Variants in KANSL2 observed in about 807,000 individuals in gnomAD.
KANSL2 encodes KAT8 regulatory NSL complex subunit 2.
In KANSL2, 34 loss-of-function variants were observed where a neutral mutation model predicts 55.6. The observed-to-expected ratio is 0.61, with a 90% CI of 0.46 to 0.81. The LOEUF (loss-of-function observed/expected upper bound fraction) is 0.81. Among genes scored for constraint, KANSL2 ranks in the 40% least tolerant of loss-of-function variants. The pLI, the probability that KANSL2 is intolerant of heterozygous loss-of-function variation, is 0.00. For synonymous variants in KANSL2, 209 were observed against 214.3 expected (o/e 0.98, Z 0.22); for missense variants, 502 against 609.9 (o/e 0.82, Z 1.86).
intron 4 of KANSL2, among the ~76,000 whole-genome samples, chr12:48,677,072 C>T (rs1939834741): frequency 6.6e-6 from 1 of 152,154 alleles, no homozygotes. Context: ...ACTCTATTTA[C>T]ATGCCTAAAA....
chr12:48,680,341 G>A (rs552679064), intron 2 of KANSL2, among the ~76,000 whole-genome samples: 1 of 152,120 alleles, frequency 6.6e-6, no homozygotes, highest in South Asian at 2.1e-4. Context: ...ACATGTCCAC[G>A]CCACTATGCC....
chr12:48,669,521 A>AT (rs962237578), intron 5 of KANSL2, among the ~76,000 whole-genome samples: 59 of 149,510 alleles, frequency 3.9e-4, no homozygotes, highest in Admixed American at 1.5e-3. Flanking sequence ...TGGAAAAAAA[A>AT]TTTTTTTTTT....
At chr12:48,660,219 A>T in intron 8 of KANSL2, 147 bp downstream of exon 8, 1 of 752,018 alleles carries the variant, frequency 1.3e-6, no homozygotes, top group East Asian at 2.7e-5. Flanking sequence ...CTAAATGAAT[A>T]TGCTAACATA....
chr12:48,672,513 C>T (rs1939744992), intron 4 of KANSL2, among the ~76,000 whole-genome samples: 1 of 148,010 alleles, frequency 6.8e-6, no homozygotes, highest in Admixed American at 6.8e-5. Flanking sequence ...TCACTATAAC[C>T]TTTGCTTCCT....
chr12:48,659,622 T>A (rs1212010036), intron 8 of KANSL2, among the ~76,000 whole-genome samples: 11 of 145,294 alleles, frequency 7.6e-5, no homozygotes, highest in Admixed American at 2.7e-4. Context: ...GACCCCAATT[T>A]AAAAAAAAAA....
intron 9 of KANSL2, chr12:48,654,421 G>A (rs764008608): frequency 4.1e-6 from 3 of 731,754 alleles, no homozygotes; most frequent in Non-Finnish European, 5.2e-6. Context: ...CCCTACTGAG[G>A]TCCCAGAACA....
At chr12:48,676,909 T>C (rs1831851474) in intron 4 of KANSL2, among the ~76,000 whole-genome samples, 1 of 152,166 alleles carries the variant, frequency 6.6e-6, no homozygotes, top group Non-Finnish European at 1.5e-5. Context: ...TATTAGATGA[T>C]TCAAAAAGTG....
chr12:48,660,241 A>C, intron 8 of KANSL2, 125 bp downstream of exon 8: 31 of 830,298 alleles, frequency 3.7e-5, no homozygotes, highest in South Asian at 5.5e-5. Flanking sequence ...AAATACAACT[A>C]TACGTATATA....
At chr12:48,677,784 CAAAAAAAAAAAAAAAA>C (rs56147873) in intron 4 of KANSL2, among the ~76,000 whole-genome samples, 3 of 47,676 alleles carry the variant, frequency 6.3e-5, no homozygotes, top group East Asian at 7.4e-4. Context: ...GACTCCATCT[CAAAAAAAAAAAAAAAA>C]AAAAAAAAAA....
intron 5 of KANSL2, 53 bp from the exon 6 acceptor site, chr12:48,669,325 G>T: frequency 7.2e-7 from 1 of 1,383,970 alleles, no homozygotes. Flanking sequence ...TCAAGGTTAC[G>T]TCTCCAAGTC....
At chr12:48,661,293 G>T in intron 7 of KANSL2, 1 of 617,292 alleles carries the variant, frequency 1.6e-6, no homozygotes, top group Non-Finnish European at 2.0e-6. Flanking sequence ...AAAAAAAAAA[G>T]TATTCTAGAA....
Position 48,655,006 on chromosome 12 carries a change from C to G in KANSL2, c.1282G>C (p.Asp428His). The change falls in exon 9 of 10, where the codon GAT becomes CAT. Residue 428 changes from aspartate to histidine, a missense_variant. Coordinates refer to ENST00000420613, the MANE Select transcript of KANSL2 (RefSeq NM_017822.4). ...MQCPPSPLLF[D>H]PSLTLEDHLV... is the part of the protein sequence containing the mutation. ...TGATCTTCAAGGGTTAGTGAAGGAT[C>G]AAAAAGCAAAGGTGAAGGAGGACAC... 6.3e-7 allele frequency: 1 copy of G among 1,587,388 alleles called. No individual in the cohort carries two copies. The highest frequency in any genetic ancestry group is 1.2e-5 in the South Asian group (1 of 86,544).
chr12:48,656,648 C>G, intron 8 of KANSL2: 4 of 484,142 alleles, frequency 8.3e-6, no homozygotes, highest in South Asian at 4.6e-5. Flanking sequence ...ACATTCTAGA[C>G]TATGTTTCTT....
intron 2 of KANSL2, among the ~76,000 whole-genome samples, chr12:48,680,982 C>T (rs1006706542): frequency 6.7e-6 from 1 of 149,378 alleles, no homozygotes; most frequent in African/African-American, 2.5e-5. Context: ...GCCCCCCCGC[C>T]AAAAAATTAA....
intron 4 of KANSL2, among the ~76,000 whole-genome samples, chr12:48,675,694 G>C (rs1939808302): frequency 6.6e-6 from 1 of 152,148 alleles, no homozygotes; most frequent in Non-Finnish European, 1.5e-5. Flanking sequence ...CATTTGGTGG[G>C]GGCAGTAAGC....
intron 6 of KANSL2, among the ~76,000 whole-genome samples, chr12:48,668,676 G>A (rs539904423): frequency 1.3e-5 from 2 of 152,246 alleles, no homozygotes; most frequent in East Asian, 1.9e-4. Context: ...TCCAGCCTGG[G>A]CAACAAGATT....
At chr12:48,681,691 C>T (rs1188828424) in intron 1 of KANSL2, 50 bp from the exon 2 acceptor site, 3 of 1,611,622 alleles carry the variant, frequency 1.9e-6, no homozygotes, top group South Asian at 2.2e-5. Flanking sequence ...CCCGAAAATT[C>T]CTGCTCCACA....
At chr12:48,667,918 C>T (rs768429544) in intron 6 of KANSL2, 129 bp from the exon 7 acceptor site, 5 of 664,028 alleles carry the variant, frequency 7.5e-6, no homozygotes, top group Non-Finnish European at 1.3e-5. Context: ...ATAGATTCAC[C>T]AATATTATGC....
intron 7 of KANSL2, among the ~76,000 whole-genome samples, chr12:48,666,409 T>C (rs1345213171): frequency 7.0e-6 from 1 of 143,392 alleles, no homozygotes; most frequent in South Asian, 2.2e-4. Flanking sequence ...AAAAAAAAAA[T>C]AGGCCAGGTG....
Sources: gnomAD v4.1 joint callset for allele counts (sites outside exome capture counted in the v4.1 genomes callset) on GRCh38, gnomAD v4.1.1 for gene constraint, MANE v1.5 for transcripts, NCBI Gene and HGNC (gene_info 2026-07-23, HGNC 2026-07-21) for gene names.